KPNA1: variants seen among roughly 807,000 people sequenced by gnomAD.
The protein encoded by KPNA1 is importin subunit alpha-5.
In KPNA1, 10 loss-of-function variants were observed where a neutral mutation model predicts 70.5. That is an observed-to-expected ratio of 0.14 (90% CI 0.09 to 0.24). The LOEUF (loss-of-function observed/expected upper bound fraction) is 0.24, where lower values mean the gene tolerates loss of function less well. KPNA1 is among the 10% of genes least tolerant of loss of function. The pLI, the probability that KPNA1 is intolerant of heterozygous loss-of-function variation, is 1.00. For missense variants in KPNA1, 397 were observed against 637.9 expected (o/e 0.62, Z 4.07); for synonymous variants, 192 against 221.9 (o/e 0.87, Z 1.20).
intron 2 of KPNA1, among the ~76,000 whole-genome samples, chr3:122,478,599 G>A (rs2076532701): frequency 6.6e-6 from 1 of 151,908 alleles, no homozygotes; most frequent in Admixed American, 6.6e-5. Context: ...GCACATGTCT[G>A]TAATCCCAGC....
At chr3:122,509,902 C>T (rs748884695) in intron 1 of KPNA1, among the ~76,000 whole-genome samples, 12 of 151,944 alleles carry the variant, frequency 7.9e-5, no homozygotes, top group Non-Finnish European at 1.6e-4. Flanking sequence ...TGCCCTTAAA[C>T]AAAAAAATAC....
Position 122,429,608 on chromosome 3 carries a change from ATTG to A in KPNA1, c.1251-1895_1251-1893del, listed in dbSNP as rs568798934. ...TCCATGCTCATGGACAAGACTCAAT[ATTG>A]TTAAGATGGCAATTCTTCCCAACTT... On this transcript the variant is annotated intron_variant, in intron 12 of 13. Coordinates refer to ENST00000344337, the MANE Select transcript of KPNA1 (RefSeq NM_002264.4). 1.1e-4 allele frequency among the ~76,000 whole-genome samples: 16 copies of A among 152,282 alleles called. No individual in the cohort carries two copies. The East Asian group carries it at 2.9e-3, about 28-fold the overall frequency.
intron 2 of KPNA1, among the ~76,000 whole-genome samples, chr3:122,478,023 G>A (rs901046178): frequency 4.4e-4 from 67 of 151,596 alleles, no homozygotes; most frequent in South Asian, 2.5e-3. Context: ...TTAGCTGGGC[G>A]TGGTGGCACG....
At chr3:122,462,582 T>C (rs1271400312) in intron 4 of KPNA1, among the ~76,000 whole-genome samples, 1 of 136,058 alleles carries the variant, frequency 7.3e-6, no homozygotes, top group Non-Finnish European at 1.6e-5. Flanking sequence ...TGAAAGCCCT[T>C]AAAAAAAAAA....
intron 4 of KPNA1, 141 bp from the exon 5 acceptor site, chr3:122,461,459 AT>A: frequency 1.7e-6 from 1 of 584,554 alleles, no homozygotes; most frequent in Non-Finnish European, 3.1e-6. Context: ...GAAATGTCAA[AT>A]TGGGTTTATC....
At chr3:122,459,742 A>G in intron 5 of KPNA1, 3 of 985,506 alleles carry the variant, frequency 3.0e-6, no homozygotes, top group Non-Finnish European at 3.6e-6. Context: ...AAACTGGAGA[A>G]GAAAAACTGA....
At chr3:122,479,049 TA>T (rs2107477573) in intron 2 of KPNA1, among the ~76,000 whole-genome samples, 1 of 151,958 alleles carries the variant, frequency 6.6e-6, no homozygotes, top group African/African-American at 2.4e-5. Flanking sequence ...TCGTTAAAAT[TA>T]AAACATTCTG....
intron 2 of KPNA1, among the ~76,000 whole-genome samples, chr3:122,488,500 G>A (rs2107489127): frequency 6.6e-6 from 1 of 152,134 alleles, no homozygotes; most frequent in East Asian, 1.9e-4. Context: ...GCCTGCATGG[G>A]CAACAGAATG....
At chr3:122,466,702 T>C (rs72958458) in intron 3 of KPNA1, among the ~76,000 whole-genome samples, 21,168 of 152,138 alleles carry the variant, frequency 0.14, 1,581 homozygotes, top group East Asian at 0.32. Context: ...AAAAAATCAT[T>C]ATTTTCTTTA....
chr3:122,452,497 A>AGAGGGAAG, intron 6 of KPNA1, among the ~76,000 whole-genome samples: 2 of 120,728 alleles, frequency 1.7e-5, no homozygotes, highest in African/African-American at 6.2e-5. Context: ...TGACAGGGAC[A>AGAGGGAAG]GACGGAAGGA....
At chr3:122,442,389 C>T (rs1338313082) in intron 9 of KPNA1, among the ~76,000 whole-genome samples, 1 of 152,154 alleles carries the variant, frequency 6.6e-6, no homozygotes, top group African/African-American at 2.4e-5. Context: ...CAACTTTTCC[C>T]TCTCATTCTT....
At chr3:122,495,728 A>G (rs1445984839) in intron 2 of KPNA1, among the ~76,000 whole-genome samples, 1 of 67,722 alleles carries the variant, frequency 1.5e-5, no homozygotes, top group Non-Finnish European at 3.9e-5. Context: ...CTCCTTAGCA[A>G]AAAAAAAAAA....
intron 10 of KPNA1, among the ~76,000 whole-genome samples, chr3:122,441,314 G>C (rs896303666): frequency 6.6e-6 from 1 of 152,178 alleles, no homozygotes; most frequent in African/African-American, 2.4e-5. Flanking sequence ...GTTGAATAGA[G>C]TAGATGGTGA....
intron 5 of KPNA1, chr3:122,460,143 T>C (rs1164906678): frequency 1.0e-6 from 1 of 985,126 alleles, no homozygotes; most frequent in Non-Finnish European, 1.2e-6. Context: ...GCCTTTGAGA[T>C]TAGATCCTAC....
At chr3:122,448,605 C>T (rs1366805241) in intron 9 of KPNA1, among the ~76,000 whole-genome samples, 2 of 151,740 alleles carry the variant, frequency 1.3e-5, no homozygotes, top group Non-Finnish European at 2.9e-5. Context: ...GAGTTGGGGG[C>T]AGGGGGAGGG....
At chr3:122,453,549 T>G (rs1264111441) in intron 6 of KPNA1, among the ~76,000 whole-genome samples, 1 of 152,120 alleles carries the variant, frequency 6.6e-6, no homozygotes, top group African/African-American at 2.4e-5. Context: ...TGTTTTGTTT[T>G]TTTTGAGACA....
chr3:122,470,525 CAAATAAATAAAT>C (rs202144154), intron 2 of KPNA1, among the ~76,000 whole-genome samples: 1 of 150,042 alleles, frequency 6.7e-6, no homozygotes, highest in African/African-American at 2.5e-5. Flanking sequence ...AATAAATAAA[CAAATAAATAAAT>C]AAATAAATAA....
chr3:122,497,884 T>C (rs568893628), intron 1 of KPNA1, among the ~76,000 whole-genome samples: 39 of 152,350 alleles, frequency 2.6e-4, no homozygotes, highest in Non-Finnish European at 4.7e-4. Flanking sequence ...TGGTGTCCTT[T>C]AAAACACAGA....
chr3:122,496,344 A>ACACACACACACACACC lies in KPNA1; in HGVS notation c.129+92_129+93insGGTGTGTGTGTGTGTG, dbSNP rs1429340895. 216 of 1,160,772 alleles carry ACACACACACACACACC rather than the reference A, an allele frequency of 1.9e-4. No individual in the cohort carries two copies. The African/African-American group carries it at 2.3e-3, about 12-fold the overall frequency. The allele number at this position is 1,160,772 out of a possible 1,614,324, so 71.9% of individuals were successfully genotyped here. ...AACACACACACACACACACACACAC[A>ACACACACACACACACC]CACACCCCAACTTTGCTAAAATGAA... is the stretch of plus-strand genomic sequence containing the variant. On this transcript the variant is annotated intron_variant, in intron 2 of 13. Transcript: ENST00000344337.
Sources: gnomAD v4.1 joint callset for allele counts (sites outside exome capture counted in the v4.1 genomes callset) on GRCh38, gnomAD v4.1.1 for gene constraint, MANE v1.5 for transcripts, NCBI Gene and HGNC (gene_info 2026-07-23, HGNC 2026-07-21) for gene names.